Variants in FOXP4 observed in about 807,000 individuals in gnomAD.
FOXP4 encodes the protein forkhead box protein P4.
In FOXP4, 25 loss-of-function variants were observed where a neutral mutation model predicts 82.6. The observed-to-expected ratio is 0.30, with a 90% CI of 0.22 to 0.42. FOXP4 has a LOEUF of 0.42. FOXP4 is among the 10% of genes least tolerant of loss of function. FOXP4 has a pLI of 1.00. For missense variants in FOXP4, 785 were observed against 900.9 expected (o/e 0.87, Z 1.65); for synonymous variants, 415 against 388.2 (o/e 1.07, Z -0.81).
chr6:41,562,940 C>G (rs186816008), intron 1 of FOXP4, among the ~76,000 whole-genome samples: 11,179 of 152,238 alleles, frequency 0.073, 476 homozygotes, highest in Non-Finnish European at 0.092. Flanking sequence ...ATGGTGCCCA[C>G]CCCATCCATC....
chr6:41,585,576 C>T (rs1766062891), intron 5 of FOXP4, 59 bp downstream of exon 5: 5 of 1,486,558 alleles, frequency 3.4e-6, no homozygotes, highest in Non-Finnish European at 4.6e-6. Flanking sequence ...GCTGGGTGTC[C>T]AGAGCTGGTC....
intron 2 of FOXP4, among the ~76,000 whole-genome samples, chr6:41,573,639 C>T (rs1364937975): frequency 1.3e-5 from 2 of 152,106 alleles, no homozygotes; most frequent in Admixed American, 6.5e-5. Context: ...ATCATAATAG[C>T]GTTCGTCCAG....
intron 1 of FOXP4, among the ~76,000 whole-genome samples, chr6:41,560,029 A>T (rs764432222): frequency 3.3e-5 from 5 of 152,198 alleles, no homozygotes; most frequent in African/African-American, 1.2e-4. Context: ...TCTTATTGCA[A>T]TCTGCTTCCT....
chr6:41,595,074 A>G, intron 14 of FOXP4, 83 bp downstream of exon 14: 2 of 1,571,396 alleles, frequency 1.3e-6, no homozygotes, highest in South Asian at 2.3e-5. Context: ...TCTCCAGGGT[A>G]CACATGTGCA....
intron 2 of FOXP4, chr6:41,570,114 A>ACG (rs1468129165): frequency 2.8e-6 from 1 of 351,220 alleles, no homozygotes; most frequent in African/African-American, 2.2e-5. Context: ...ACACACACAC[A>ACG]CACGCAGTCA....
At chr6:41,550,550 C>T (rs1018604080) in intron 1 of FOXP4, among the ~76,000 whole-genome samples, 1 of 152,194 alleles carries the variant, frequency 6.6e-6, no homozygotes, top group Admixed American at 6.5e-5. Flanking sequence ...ATGGGGCCCT[C>T]GACTCCCAGT....
Position 41,599,019 on chromosome 6 carries a change from T to A in FOXP4, c.*83T>A. On this transcript the variant is annotated 3_prime_UTR_variant, in exon 17 of 17. Coordinates refer to ENST00000307972, the MANE Select transcript of FOXP4 (RefSeq NM_001012426.2). Reference sequence around the variant, plus strand: ...CCATCTCCCCCAACTCCACAGCCCCTCCCGAGCCTCAAGGCAAGTCCAGGA... The same window carrying A: ...CCATCTCCCCCAACTCCACAGCCCCACCCGAGCCTCAAGGCAAGTCCAGGA... 6.9e-7 allele frequency: 1 copy of A among 1,447,164 alleles called. No homozygotes were observed. The highest frequency in any genetic ancestry group is 9.1e-7 in the Non-Finnish European group (1 of 1,097,618). The allele number at this position is 1,447,164 out of a possible 1,614,324, so 89.6% of individuals were successfully genotyped here.
chr6:41,552,220 G>A (rs1192240867), intron 1 of FOXP4, among the ~76,000 whole-genome samples: 1 of 152,184 alleles, frequency 6.6e-6, no homozygotes. Flanking sequence ...GGGTGGCGGT[G>A]TACTTCCTCC....
At chr6:41,572,296 C>G (rs1765243337) in intron 2 of FOXP4, among the ~76,000 whole-genome samples, 1 of 152,148 alleles carries the variant, frequency 6.6e-6, no homozygotes. Flanking sequence ...TCCCTGGCCA[C>G]ACACCCTAGA....
intron 3 of FOXP4, among the ~76,000 whole-genome samples, chr6:41,581,459 C>T (rs1281657847): frequency 6.6e-6 from 1 of 152,256 alleles, no homozygotes; most frequent in Non-Finnish European, 1.5e-5. Context: ...GCCCAGGGCT[C>T]ACACTGCCAG....
At chr6:41,564,551 T>C (rs1764768540) in intron 1 of FOXP4, among the ~76,000 whole-genome samples, 2 of 152,144 alleles carry the variant, frequency 1.3e-5, no homozygotes, top group African/African-American at 4.8e-5. Context: ...ACCCTCTCTT[T>C]CTAGGGGGAT....
intron 2 of FOXP4, among the ~76,000 whole-genome samples, chr6:41,569,633 G>A (rs983612422): frequency 3.9e-5 from 6 of 152,206 alleles, no homozygotes; most frequent in African/African-American, 1.2e-4. Flanking sequence ...CAGGAGGGCC[G>A]AGCTGGTGGG....
At chr6:41,589,917 C>G (rs1204907311) in intron 10 of FOXP4, 46 bp from the exon 11 acceptor site, 1 of 1,610,788 alleles carries the variant, frequency 6.2e-7, no homozygotes, top group African/African-American at 1.3e-5. Flanking sequence ...GCCTCGGGAC[C>G]CCCACCCTCG....
intron 5 of FOXP4, 123 bp downstream of exon 5, chr6:41,585,640 G>C (rs1481445928): frequency 2.3e-6 from 2 of 860,956 alleles, no homozygotes; most frequent in Non-Finnish European, 3.6e-6. Context: ...GGCTGAGGAA[G>C]GGGACCAAGG....
intron 1 of FOXP4, among the ~76,000 whole-genome samples, chr6:41,561,421 C>G (rs1253216395): frequency 6.6e-6 from 1 of 152,198 alleles, no homozygotes; most frequent in Non-Finnish European, 1.5e-5. Flanking sequence ...TGGCCAATCC[C>G]TACCTTATTG....
intron 1 of FOXP4, among the ~76,000 whole-genome samples, chr6:41,553,783 T>C (rs1286910397): frequency 6.6e-6 from 1 of 152,122 alleles, no homozygotes; most frequent in Non-Finnish European, 1.5e-5. Flanking sequence ...CCCTCAGGAT[T>C]TTGTCATTCA....
At position 41,597,205 on chromosome 6, in the gene FOXP4, C is replaced by T; in HGVS notation, c.1688C>T (p.Ser563Phe). 6.2e-7 allele frequency: 1 copy of T among 1,614,200 alleles called. No individual in the cohort carries two copies. The highest frequency in any genetic ancestry group is 8.5e-7 in the Non-Finnish European group (1 of 1,180,030). Residue 563 changes from serine (S) to phenylalanine (F), a missense_variant, in exon 15 of 17, where the codon TCT (serine) becomes TTT (phenylalanine). Around this residue, in one of 3 missense-constraint regions of FOXP4, gnomAD observed 184 missense variants for 187.3 expected, o/e 0.98. Coordinates refer to ENST00000307972, the MANE Select transcript of FOXP4 (RefSeq NM_001012426.2). ...CCCACCCTGGTGAAGAACATGATCT[C>T]TGGCCTCAGCTATGGAGCACTTAAT... ...GSPTLVKNMI[S>F]GLSYGALNAS... is the part of the protein sequence containing the mutation.
chr6:41,553,300 T>C (rs1004598311), intron 1 of FOXP4, among the ~76,000 whole-genome samples: 3 of 151,874 alleles, frequency 2.0e-5, no homozygotes, highest in Non-Finnish European at 4.4e-5. Context: ...ATGCCTCATG[T>C]TATCAATTAA....
At chr6:41,570,519 A>G (rs1765141073) in intron 2 of FOXP4, 1 of 383,956 alleles carries the variant, frequency 2.6e-6, no homozygotes. Flanking sequence ...CCTGTTTCCT[A>G]TGTTGGAAAA....
Sources: allele counts gnomAD v4.1 joint callset (sites outside exome capture counted in the v4.1 genomes callset), GRCh38; gene constraint gnomAD v4.1.1; regional missense constraint gnomAD v4.1.1; transcripts MANE v1.5; gene names NCBI Gene and HGNC (gene_info 2026-07-23, HGNC 2026-07-21).